Variants in BEND7 observed in about 807,000 individuals in gnomAD.
The protein encoded by BEND7 is BEN domain containing 7.
Under a neutral mutation model 50.9 loss-of-function variants are expected in BEND7, and 28 were observed. That is an observed-to-expected ratio of 0.55 (90% CI 0.41 to 0.75). BEND7 has a LOEUF of 0.75. Among genes scored for constraint, BEND7 ranks in the 30% least tolerant of loss-of-function variants. The probability of loss-of-function intolerance (pLI) is 0.00; values close to 1 mark genes in which losing one functional copy is unlikely to be tolerated. For synonymous variants in BEND7, 170 were observed against 183.9 expected (o/e 0.92, Z 0.61); for missense variants, 477 against 491.3 (o/e 0.97, Z 0.28).
At chr10:13,526,954 G>C (rs1456855826) in intron 1 of BEND7, among the ~76,000 whole-genome samples, 1 of 152,298 alleles carries the variant, frequency 6.6e-6, no homozygotes, top group African/African-American at 2.4e-5. Flanking sequence ...GGAGGCTACT[G>C]CATTTTTGCT....
chr10:13,498,195 C>G (rs946551284), intron 3 of BEND7, among the ~76,000 whole-genome samples: 1 of 151,364 alleles, frequency 6.6e-6, no homozygotes. Context: ...CATGCCTCAG[C>G]CCCCCAAGTA....
At chr10:13,439,459 T>A (rs1389469844), downstream of BEND7, 1 of 1,613,428 alleles carries the variant, frequency 6.2e-7, no homozygotes, top group Non-Finnish European at 8.5e-7. Flanking sequence ...ACCGCTGCAC[T>A]CCCACCCGGC....
chr10:13,459,093 G>A (rs539111621), intron 6 of BEND7, among the ~76,000 whole-genome samples: 1 of 152,324 alleles, frequency 6.6e-6, no homozygotes, highest in African/African-American at 2.4e-5. Flanking sequence ...TGAGCACGCA[G>A]TGACGGTACA....
At chr10:13,482,750 T>C (rs2075956418) in intron 5 of BEND7, among the ~76,000 whole-genome samples, 1 of 152,228 alleles carries the variant, frequency 6.6e-6, no homozygotes, top group African/African-American at 2.4e-5. Context: ...TGTCAGGTTT[T>C]CCCCTTAACT....
intron 2 of BEND7, 45 bp downstream of exon 2, chr10:13,526,093 T>C: frequency 9.5e-7 from 1 of 1,052,548 alleles, no homozygotes; most frequent in Non-Finnish European, 1.3e-6. Flanking sequence ...TAATTGCAAA[T>C]GGTCACGATG....
intron 4 of BEND7, among the ~76,000 whole-genome samples, chr10:13,494,456 C>A (rs964988562): frequency 6.6e-6 from 1 of 152,114 alleles, no homozygotes; most frequent in South Asian, 2.1e-4. Context: ...AACTGAAATG[C>A]CTCAGCCCCA....
intron 2 of BEND7, among the ~76,000 whole-genome samples, chr10:13,515,950 G>A (rs1287802720): frequency 6.6e-6 from 1 of 152,214 alleles, no homozygotes; most frequent in Non-Finnish European, 1.5e-5. Context: ...AACATGTGGA[G>A]AGTGGGATGA....
intron 5 of BEND7, among the ~76,000 whole-genome samples, chr10:13,487,825 G>A (rs139801561): frequency 1.3e-5 from 2 of 152,160 alleles, no homozygotes; most frequent in African/African-American, 4.8e-5. Flanking sequence ...GGGCATGGTG[G>A]CTCACACCTG....
chr10:13,472,304 T>G (rs551296650), intron 6 of BEND7, among the ~76,000 whole-genome samples: 3 of 151,906 alleles, frequency 2.0e-5, no homozygotes, highest in African/African-American at 7.2e-5. Context: ...CTATTAGACT[T>G]GGGGTTGATA....
At chr10:13,439,173 C>G (rs752290945), downstream of BEND7, 16 of 1,605,862 alleles carry the variant, frequency 1.0e-5, no homozygotes, top group Non-Finnish European at 1.2e-5. Flanking sequence ...AAGATAATTT[C>G]AGAGAGAGAG....
intron 6 of BEND7, among the ~76,000 whole-genome samples, chr10:13,457,008 T>G (rs1267331950): frequency 6.6e-6 from 1 of 152,204 alleles, no homozygotes; most frequent in African/African-American, 2.4e-5. Context: ...ATATTTCTAT[T>G]TAGCATCCTA....
chr10:13,457,806 A>G (rs1839310571), intron 6 of BEND7, among the ~76,000 whole-genome samples: 2 of 152,244 alleles, frequency 1.3e-5, no homozygotes, highest in Non-Finnish European at 2.9e-5. Flanking sequence ...ATTAGGAGTA[A>G]TGATGTGAAA....
intron 2 of BEND7, among the ~76,000 whole-genome samples, chr10:13,505,051 G>C (rs191503557): frequency 6.6e-6 from 1 of 152,238 alleles, no homozygotes. Flanking sequence ...ATAAAAGATG[G>C]TAACAAACAA....
downstream of BEND7, among the ~76,000 whole-genome samples, chr10:13,440,370 T>G (rs1835170756): frequency 6.6e-6 from 1 of 152,200 alleles, no homozygotes; most frequent in Admixed American, 6.5e-5. Context: ...CGCGGACACC[T>G]GCAAGACTCA....
At chr10:13,508,561 C>T (rs1422622500) in intron 2 of BEND7, among the ~76,000 whole-genome samples, 1 of 152,166 alleles carries the variant, frequency 6.6e-6, no homozygotes, top group Non-Finnish European at 1.5e-5. Flanking sequence ...TATCTAGACA[C>T]AAATATATCT....
rs76105018 is a variant in BEND7 at position 13,510,168 on chromosome 10, C to T, written c.146-10088G>A. ...TGAATACTAATGATGGAAAAATGGG[C>T]AAAGGACATGAACATGTAATTCACA... On this transcript the variant is annotated intron_variant, in intron 2 of 8. Coordinates refer to ENST00000466271, the MANE Select transcript of BEND7 (RefSeq NM_001369863.1). Among the ~76,000 whole-genome samples, 11 of 151,840 alleles carry T rather than the reference C, an allele frequency of 7.2e-5. No individual in the cohort carries two copies. The East Asian group carries it at 2.1e-3, about 29-fold the overall frequency.
intron 5 of BEND7, among the ~76,000 whole-genome samples, chr10:13,489,631 C>T (rs1430575181): frequency 6.6e-6 from 1 of 152,050 alleles, no homozygotes; most frequent in East Asian, 1.9e-4. Context: ...TAACGTGTAT[C>T]CTGTTTGTAT....
At chr10:13,460,816 C>T (rs987727391) in intron 6 of BEND7, among the ~76,000 whole-genome samples, 21 of 152,342 alleles carry the variant, frequency 1.4e-4, no homozygotes, top group African/African-American at 4.3e-4. Flanking sequence ...GGTTACAAAT[C>T]TGGGACTTAA....
chr10:13,457,040 A>G (rs1839128173), intron 6 of BEND7, among the ~76,000 whole-genome samples: 1 of 152,226 alleles, frequency 6.6e-6, no homozygotes, highest in Non-Finnish European at 1.5e-5. Flanking sequence ...AAAAATGTGT[A>G]CTACAAAAAT....
Sources: allele counts gnomAD v4.1 joint callset (sites outside exome capture counted in the v4.1 genomes callset), GRCh38; gene constraint gnomAD v4.1.1; transcripts MANE v1.5; gene names NCBI Gene and HGNC (gene_info 2026-07-23, HGNC 2026-07-21).